The following AP4S1 variants were observed in gnomAD, a reference collection of about 807,000 sequenced individuals.
AP4S1 encodes the protein adaptor related protein complex 4 subunit sigma 1.
Under a neutral mutation model 19.8 loss-of-function variants are expected in AP4S1, and 23 were observed. The observed-to-expected ratio is 1.16, with a 90% CI of 0.84 to 1.65. AP4S1 has a LOEUF of 1.65. AP4S1 is among the 40% of genes most tolerant of loss of function. The pLI, the probability that AP4S1 is intolerant of heterozygous loss-of-function variation, is 0.00. For missense variants in AP4S1, 166 were observed against 172.8 expected, an observed-to-expected ratio of 0.96 and a Z score of 0.22; for synonymous variants, 46 against 54.1, an observed-to-expected ratio of 0.85 and a Z score of 0.66.
intron 1 of AP4S1, among the ~76,000 whole-genome samples, chr14:31,062,100 T>C (rs1275563905): frequency 6.6e-6 from 1 of 152,108 alleles, no homozygotes; most frequent in East Asian, 1.9e-4. Context: ...GAGGTTTATT[T>C]ATTTATTTAT....
In AP4S1 at chr14:31,093,493, T is replaced by C. The variant is rs1447281824; in HGVS notation, c.*458T>C. On this transcript the variant is annotated 3_prime_UTR_variant, in exon 6 of 6. Coordinates refer to ENST00000542754, the MANE Select transcript of AP4S1 (RefSeq NM_001128126.3). ...TTTTTTTTTTTGAGACGGAGTCTAG[T>C]CTAGCTGTGTCACCTGGCACATTCT... 6.5e-6 allele frequency: 1 copy of C among 154,264 alleles called. No individual in the cohort carries two copies. The highest frequency in any genetic ancestry group is 2.4e-5 in the African/African-American group (1 of 41,284). The allele number at this position is 154,264 out of a possible 1,614,324, so 9.6% of individuals were successfully genotyped here.
intron 1 of AP4S1, among the ~76,000 whole-genome samples, chr14:31,040,972 G>A (rs1305282173): frequency 2.6e-5 from 4 of 151,322 alleles, no homozygotes; most frequent in Admixed American, 6.6e-5. Flanking sequence ...CTACTCGGGA[G>A]GCTGAGGCAG....
At chr14:31,035,518 C>T (rs1454558844) in intron 1 of AP4S1, among the ~76,000 whole-genome samples, 2 of 151,512 alleles carry the variant, frequency 1.3e-5, no homozygotes, top group Non-Finnish European at 2.9e-5. Context: ...ATCTAATCCT[C>T]AGTCCATATT....
Position 31,052,140 on chromosome 14 carries a change from G to A in AP4S1, c.-71-13986G>A, listed in dbSNP as rs764257732. ...ACAAAAATTAGTTAGGTGTGATGAC[G>A]TGTGCCTAGAGTCACAACCACTAGG... On this transcript the variant is annotated intron_variant, in intron 1 of 5. Transcript: ENST00000542754. 2.2e-4 allele frequency among the ~76,000 whole-genome samples: 33 copies of A among 152,052 alleles called. No homozygotes were observed. In the South Asian group the frequency reaches 3.7e-3, roughly 17 times the overall value.
intron 1 of AP4S1, among the ~76,000 whole-genome samples, chr14:31,055,719 C>A (rs995942394): frequency 4.5e-5 from 2 of 44,054 alleles, no homozygotes; most frequent in African/African-American, 7.0e-5. Flanking sequence ...TCTGATATTA[C>A]CTTAGTGTTT....
At chr14:31,073,289 G>A in intron 4 of AP4S1, 1 of 303,330 alleles carries the variant, frequency 3.3e-6, no homozygotes, top group Admixed American at 4.6e-5. Context: ...AGGAGATGGA[G>A]ACCATCCTGG....
At chr14:31,053,589 C>CTTTTTTTTTTTTT (rs758966011) in intron 1 of AP4S1, among the ~76,000 whole-genome samples, 3 of 71,174 alleles carry the variant, frequency 4.2e-5, no homozygotes, top group African/African-American at 5.7e-5. Flanking sequence ...TGACTTTTTT[C>CTTTTTTTTTTTTT]TTTTTTTTTT....
chr14:31,086,642 C>G (rs1351906654), intron 5 of AP4S1, among the ~76,000 whole-genome samples: 1 of 152,054 alleles, frequency 6.6e-6, no homozygotes, highest in Non-Finnish European at 1.5e-5. Flanking sequence ...TTTCCAACTT[C>G]CGACTTCAGG....
At chr14:31,073,605 T>C (rs542361227) in intron 4 of AP4S1, among the ~76,000 whole-genome samples, 2 of 151,636 alleles carry the variant, frequency 1.3e-5, no homozygotes, top group Admixed American at 1.3e-4. Flanking sequence ...ATTATTTATT[T>C]ATTTTTTTAT....
At chr14:31,055,236 A>G (rs1013529044) in intron 1 of AP4S1, among the ~76,000 whole-genome samples, 6 of 152,036 alleles carry the variant, frequency 3.9e-5, no homozygotes, top group African/African-American at 1.4e-4. Flanking sequence ...TTCTGGTAGG[A>G]GATCTCAACA....
At chr14:31,082,556 T>A (rs78221587) in intron 5 of AP4S1, among the ~76,000 whole-genome samples, 3,202 of 152,250 alleles carry the variant, frequency 0.021, 124 homozygotes, top group African/African-American at 0.071. Flanking sequence ...CTGTGTGTAT[T>A]GGACAAGACA....
chr14:31,086,696 A>G (rs536034437), intron 5 of AP4S1, among the ~76,000 whole-genome samples: 1 of 152,238 alleles, frequency 6.6e-6, no homozygotes, highest in Admixed American at 6.5e-5. Context: ...GATTATAGGC[A>G]TGAGCCACCA....
chr14:31,057,501 T>C (rs957017012), intron 1 of AP4S1, among the ~76,000 whole-genome samples: 2 of 152,260 alleles, frequency 1.3e-5, no homozygotes, highest in Non-Finnish European at 2.9e-5. Flanking sequence ...CAATTCAATG[T>C]GTACTTCGTT....
intron 1 of AP4S1, among the ~76,000 whole-genome samples, chr14:31,033,703 T>G (rs1884549978): frequency 6.6e-6 from 1 of 152,214 alleles, no homozygotes; most frequent in Non-Finnish European, 1.5e-5. Context: ...ATTATAGTGA[T>G]TGACTTTGGC....
intron 4 of AP4S1, among the ~76,000 whole-genome samples, chr14:31,074,815 C>T (rs1013718020): frequency 8.4e-6 from 1 of 119,024 alleles, no homozygotes; most frequent in Non-Finnish European, 1.9e-5. Flanking sequence ...ATTAGCATTT[C>T]CCCCTCATTA....
chr14:31,082,145 T>C (rs1378344157), intron 5 of AP4S1, among the ~76,000 whole-genome samples: 1 of 152,184 alleles, frequency 6.6e-6, no homozygotes, highest in Non-Finnish European at 1.5e-5. Flanking sequence ...GCCCTTAATT[T>C]GGAAGCCTCT....
chr14:31,047,877 A>T (rs1414232129), intron 1 of AP4S1, among the ~76,000 whole-genome samples: 1 of 152,074 alleles, frequency 6.6e-6, no homozygotes, highest in African/African-American at 2.4e-5. Flanking sequence ...GGGTTTTGCC[A>T]TGTTGGCCAG....
At chr14:31,084,654 A>C in intron 5 of AP4S1, 1 of 1,526,816 alleles carries the variant, frequency 6.5e-7, no homozygotes, top group East Asian at 2.4e-5. Flanking sequence ...CGCCCGGCTG[A>C]AGTGAGGCCT....
chr14:31,060,561 G>A (rs1200079403), intron 1 of AP4S1, among the ~76,000 whole-genome samples: 5 of 152,180 alleles, frequency 3.3e-5, no homozygotes, highest in Non-Finnish European at 7.3e-5. Flanking sequence ...ACTTGAGCCA[G>A]GTCTGTCTTA....
Sources: allele counts gnomAD v4.1 joint callset (sites outside exome capture counted in the v4.1 genomes callset), GRCh38; gene constraint gnomAD v4.1.1; transcripts MANE v1.5; gene names NCBI Gene and HGNC (gene_info 2026-07-23, HGNC 2026-07-21).